Variants in ELOVL6 observed in about 807,000 individuals in gnomAD.
The protein encoded by ELOVL6 is ELOVL fatty acid elongase 6.
In ELOVL6, 8 loss-of-function variants were observed where a neutral mutation model predicts 31.7. The ratio of observed to expected loss-of-function variants is 0.25; its 90% CI spans 0.15 to 0.45. ELOVL6 has a LOEUF of 0.45. Among genes scored for constraint, ELOVL6 ranks in the 20% least tolerant of loss-of-function variants. The pLI is 1.00. For missense variants in ELOVL6, 126 were observed against 326.4 expected (o/e 0.39, Z 4.73); for synonymous variants, 101 against 117.7 (o/e 0.86, Z 0.92).
chr4:110,147,729 T>C (rs563737416), intron 1 of ELOVL6, among the ~76,000 whole-genome samples: 1 of 151,410 alleles, frequency 6.6e-6, no homozygotes, highest in South Asian at 2.1e-4. Flanking sequence ...AAGTTGAGGC[T>C]GCAGTGAGCA....
chr4:110,109,864 C>T (rs1338761801), intron 1 of ELOVL6, among the ~76,000 whole-genome samples: 1 of 152,298 alleles, frequency 6.6e-6, no homozygotes, highest in Admixed American at 6.5e-5. Context: ...CCTGAGCTCC[C>T]TCCTGGCTCT....
At chr4:110,192,808 C>T (rs1347819696) in intron 1 of ELOVL6, among the ~76,000 whole-genome samples, 1 of 152,180 alleles carries the variant, frequency 6.6e-6, no homozygotes, top group African/African-American at 2.4e-5. Flanking sequence ...ATGCCTACAT[C>T]CCAGTGCTTT....
At chr4:110,164,261 T>C (rs977383430) in intron 1 of ELOVL6, among the ~76,000 whole-genome samples, 1 of 152,174 alleles carries the variant, frequency 6.6e-6, no homozygotes, top group African/African-American at 2.4e-5. Context: ...GAATTGAAAC[T>C]GTGTCTGAAT....
chr4:110,191,966 G>C (rs1313199491), intron 1 of ELOVL6, among the ~76,000 whole-genome samples: 2 of 152,060 alleles, frequency 1.3e-5, no homozygotes, highest in Non-Finnish European at 2.9e-5. Context: ...GAGGTAGGTG[G>C]ATCACCTGAA....
chr4:110,079,266 C>A (rs1003021202), intron 2 of ELOVL6, among the ~76,000 whole-genome samples: 1 of 152,182 alleles, frequency 6.6e-6, no homozygotes, highest in Non-Finnish European at 1.5e-5. Context: ...GAATTCTCCA[C>A]CCCAAATCAA....
At chr4:110,153,815 G>A (rs1171065789) in intron 1 of ELOVL6, among the ~76,000 whole-genome samples, 1 of 152,156 alleles carries the variant, frequency 6.6e-6, no homozygotes, top group Non-Finnish European at 1.5e-5. Context: ...TGTCATTCCT[G>A]AAATAACTAG....
At chr4:110,183,843 G>A (rs372913332) in intron 1 of ELOVL6, among the ~76,000 whole-genome samples, 15 of 152,234 alleles carry the variant, frequency 9.9e-5, no homozygotes, top group African/African-American at 2.6e-4. Flanking sequence ...TTAGCCATGC[G>A]TGGTGGTGTA....
intron 1 of ELOVL6, chr4:110,117,661 AT>A (rs903848344): frequency 1.2e-4 from 18 of 151,112 alleles, no homozygotes; most frequent in Admixed American, 9.9e-4. Context: ...AAATGGGTGG[AT>A]CACGAGGTCA....
intron 1 of ELOVL6, among the ~76,000 whole-genome samples, chr4:110,196,419 CCACCGCCCCCTCCCCGCCTCCAG>C (rs1035673797): frequency 2.0e-5 from 3 of 152,306 alleles, no homozygotes; most frequent in East Asian, 1.9e-4. Flanking sequence ...CCGGCTCCGG[CCACCGCCCCCTCCCCGCCTCCAG>C]CACCACCCCC....
intron 1 of ELOVL6, among the ~76,000 whole-genome samples, chr4:110,182,129 C>T (rs1207945220): frequency 1.3e-5 from 2 of 152,016 alleles, no homozygotes; most frequent in African/African-American, 4.8e-5. Context: ...GACTTTTGTC[C>T]CTGGGGAACC....
At chr4:110,114,121 T>C (rs940240875) in intron 1 of ELOVL6, among the ~76,000 whole-genome samples, 5 of 152,110 alleles carry the variant, frequency 3.3e-5, no homozygotes, top group African/African-American at 1.2e-4. Flanking sequence ...AATGGTAATA[T>C]AAAAACTGTA....
chr4:110,085,829 C>T (rs149205051), intron 2 of ELOVL6, among the ~76,000 whole-genome samples: 226 of 152,260 alleles, frequency 1.5e-3, no homozygotes, highest in African/African-American at 5.2e-3. Context: ...ATTCTCCCAC[C>T]TCAGCCTCCT....
At chr4:110,150,473 C>CA (rs1758248298) in intron 1 of ELOVL6, among the ~76,000 whole-genome samples, 1 of 151,992 alleles carries the variant, frequency 6.6e-6, no homozygotes, top group African/African-American at 2.4e-5. Context: ...TTTTTTCTGG[C>CA]AAAAGGGAAT....
At chr4:110,142,712 T>G (rs559614160) in intron 1 of ELOVL6, among the ~76,000 whole-genome samples, 1 of 152,218 alleles carries the variant, frequency 6.6e-6, no homozygotes, top group Non-Finnish European at 1.5e-5. Flanking sequence ...ACAACATAAT[T>G]ACTGACTTCA....
At chr4:110,070,594 A>G (rs78299888) in intron 2 of ELOVL6, among the ~76,000 whole-genome samples, 6,726 of 152,216 alleles carry the variant, frequency 0.044, 197 homozygotes, top group Non-Finnish European at 0.063. Context: ...CTGGGGGAAA[A>G]AATCTCACGT....
In ELOVL6 at chr4:110,046,666, G is replaced by A. The variant is rs914140413; in HGVS notation, c.*4672C>T. 11 of 152,180 alleles carry A rather than the reference G, an allele frequency of 7.2e-5. No individual in the cohort carries two copies. The highest frequency in any genetic ancestry group is 2.7e-4 in the African/African-American group (11 of 41,420). The allele number at this position is 152,180 out of a possible 1,614,324, so 9.4% of individuals were successfully genotyped here. On this transcript the variant is annotated 3_prime_UTR_variant, in exon 4 of 4. Coordinates refer to ENST00000302274, the MANE Select transcript of ELOVL6 (RefSeq NM_024090.3). ...GCCCTGTACCGGCCTCTTTAGCTATGAGTTGTGCCATATGGCTCGCAGATG... is the reference window on the plus strand; with the variant it reads ...GCCCTGTACCGGCCTCTTTAGCTATAAGTTGTGCCATATGGCTCGCAGATG...
intron 1 of ELOVL6, among the ~76,000 whole-genome samples, chr4:110,137,655 T>A (rs1013699283): frequency 6.6e-6 from 1 of 152,204 alleles, no homozygotes; most frequent in East Asian, 1.9e-4. Flanking sequence ...TGGATTTTTT[T>A]AAGCATATAA....
chr4:110,147,780 G>GACACACACACACACACAC (rs58644594), intron 1 of ELOVL6, among the ~76,000 whole-genome samples: 1 of 142,650 alleles, frequency 7.0e-6, no homozygotes, highest in South Asian at 2.3e-4. Flanking sequence ...GACAGAGCAG[G>GACACACACACACACACAC]ACACACACAC....
At chr4:110,158,657 A>ATATATATTTTTT in intron 1 of ELOVL6, among the ~76,000 whole-genome samples, 13 of 74,162 alleles carry the variant, frequency 1.8e-4, no homozygotes, top group African/African-American at 6.6e-4. Context: ...ATATATATAT[A>ATATATATTTTTT]TTTTTTTTTT....
Sources: allele counts gnomAD v4.1 joint callset (sites outside exome capture counted in the v4.1 genomes callset), GRCh38; gene constraint gnomAD v4.1.1; transcripts MANE v1.5; gene names NCBI Gene and HGNC (gene_info 2026-07-23, HGNC 2026-07-21).